TRAPPC9: variants seen among roughly 807,000 people sequenced by gnomAD.
The protein encoded by TRAPPC9 is IKK2 binding protein.
In TRAPPC9, 83 loss-of-function variants were observed where a neutral mutation model predicts 124.0. The observed-to-expected ratio is 0.67, with a 90% CI of 0.56 to 0.80. TRAPPC9 has a LOEUF of 0.80. Ranked by LOEUF, TRAPPC9 falls within the 30% of genes least tolerant of loss-of-function variation. The pLI, the probability that TRAPPC9 is intolerant of heterozygous loss-of-function variation, is 0.00. For synonymous variants in TRAPPC9, 638 were observed against 617.5 expected (o/e 1.03, Z -0.49); for missense variants, 1,302 against 1,508.3 (o/e 0.86, Z 2.27).
At chr8:140,348,599 A>G (rs189400861) in intron 9 of TRAPPC9, among the ~76,000 whole-genome samples, 132 of 152,336 alleles carry the variant, frequency 8.7e-4, no homozygotes, top group Middle Eastern at 6.8e-3. Context: ...CAACCTGAAA[A>G]GCAAGCAAGA....
At chr8:140,452,282 T>A (rs2071491947) in intron 1 of TRAPPC9, among the ~76,000 whole-genome samples, 2 of 151,402 alleles carry the variant, frequency 1.3e-5, no homozygotes, top group Admixed American at 1.3e-4. Context: ...TAGCCCGGCG[T>A]GGTGGCAGGC....
At chr8:140,451,573 A>G (rs1198418699) in intron 1 of TRAPPC9, among the ~76,000 whole-genome samples, 190 bp from the exon 2 acceptor site, 1 of 152,160 alleles carries the variant, frequency 6.6e-6, no homozygotes, top group South Asian at 2.1e-4. Context: ...GTAACTGTTG[A>G]CCTTCAGTCC....
intron 21 of TRAPPC9, among the ~76,000 whole-genome samples, chr8:139,859,918 A>G (rs1828023620): frequency 6.6e-6 from 1 of 152,230 alleles, no homozygotes; most frequent in African/African-American, 2.4e-5. Flanking sequence ...CCCCTTGGGA[A>G]TATGATGAAA....
intron 21 of TRAPPC9, among the ~76,000 whole-genome samples, chr8:139,871,024 G>A (rs942154571): frequency 6.6e-6 from 1 of 152,132 alleles, no homozygotes. Context: ...CATGAAATCA[G>A]CTTTATGATT....
intron 19 of TRAPPC9, among the ~76,000 whole-genome samples, chr8:139,934,275 C>A (rs1237379198): frequency 6.8e-6 from 1 of 147,196 alleles, no homozygotes; most frequent in Non-Finnish European, 1.5e-5. Flanking sequence ...GACTTCAAGT[C>A]CAGTCAGAGA....
At position 139,824,851 on chromosome 8, in the gene TRAPPC9, C is replaced by T. The variant is rs116565026; in HGVS notation, c.3055+61028G>A. On this transcript the variant is annotated intron_variant, in intron 21 of 22. Transcript: ENST00000438773. ...GTGCTAGGATTATAGGTGTGAGCCACTGTGCCTAGCTGACTTTACCTTTGT... is the reference window on the plus strand; with the variant it reads ...GTGCTAGGATTATAGGTGTGAGCCATTGTGCCTAGCTGACTTTACCTTTGT... 3.6e-3 allele frequency among the ~76,000 whole-genome samples: 552 copies of T among 152,362 alleles called. 4 individuals carry two copies. The highest frequency in any genetic ancestry group is 0.012 in the African/African-American group (505 of 41,588).
intron 18 of TRAPPC9, among the ~76,000 whole-genome samples, chr8:140,017,021 C>A (rs571783898): frequency 2.0e-5 from 3 of 152,170 alleles, no homozygotes; most frequent in Non-Finnish European, 4.4e-5. Flanking sequence ...GGTTTTAATT[C>A]GCATTTCTCT....
At chr8:140,181,542 C>T (rs1298003664) in intron 17 of TRAPPC9, among the ~76,000 whole-genome samples, 18 of 152,162 alleles carry the variant, frequency 1.2e-4, no homozygotes, top group Admixed American at 9.8e-4. Context: ...CCACCCACCT[C>T]GGCCTCCCAA....
intron 21 of TRAPPC9, among the ~76,000 whole-genome samples, chr8:139,762,642 A>G (rs920325540): frequency 1.3e-5 from 2 of 152,246 alleles, no homozygotes; most frequent in African/African-American, 4.8e-5. Flanking sequence ...ACCGTCACAC[A>G]TGCGGTCCAC....
At chr8:140,113,517 G>A (rs962261207) in intron 17 of TRAPPC9, among the ~76,000 whole-genome samples, 4 of 152,158 alleles carry the variant, frequency 2.6e-5, no homozygotes, top group Admixed American at 1.3e-4. Context: ...ACCCTTTCCC[G>A]GCTTCAGGGT....
chr8:139,852,363 C>T (rs115220709), intron 21 of TRAPPC9, among the ~76,000 whole-genome samples: 153 of 152,298 alleles, frequency 1.0e-3, no homozygotes, highest in African/African-American at 3.5e-3. Context: ...CACTAGTGTG[C>T]GCCCATGTTA....
chr8:139,928,229 T>C (rs1832922761), intron 19 of TRAPPC9, among the ~76,000 whole-genome samples: 1 of 152,184 alleles, frequency 6.6e-6, no homozygotes, highest in Non-Finnish European at 1.5e-5. Context: ...CAGTGGCTCA[T>C]GCCTATAATC....
intron 21 of TRAPPC9, among the ~76,000 whole-genome samples, chr8:139,838,200 T>C (rs1826483746): frequency 6.6e-6 from 1 of 152,180 alleles, no homozygotes; most frequent in Middle Eastern, 3.2e-3. Flanking sequence ...CTCTTCCTCA[T>C]CCTGCAGGTC....
At chr8:140,153,091 T>C (rs1430857414) in intron 17 of TRAPPC9, among the ~76,000 whole-genome samples, 1 of 152,210 alleles carries the variant, frequency 6.6e-6, no homozygotes. Flanking sequence ...TGCTGATTTG[T>C]ATCATGAAAG....
At position 139,731,025 on chromosome 8, in the gene TRAPPC9, C is replaced by G; in HGVS notation, c.*36G>C. ...TGTGGGAGGCCAGGCAGGGTCACCT[C>G]TGGCCCTGCAGAAAGAGGGACGGAA... On this transcript the variant is annotated 3_prime_UTR_variant, in exon 23 of 23. Coordinates refer to ENST00000438773, the MANE Select transcript of TRAPPC9 (RefSeq NM_001160372.4). 1 of 1,608,234 alleles carries G rather than the reference C, an allele frequency of 6.2e-7. No individual in the cohort carries two copies. The highest frequency in any genetic ancestry group is 1.3e-5 in the African/African-American group (1 of 74,964).
chr8:139,758,492 G>A (rs747151849), intron 21 of TRAPPC9, among the ~76,000 whole-genome samples: 6 of 152,216 alleles, frequency 3.9e-5, no homozygotes, highest in Non-Finnish European at 7.3e-5. Flanking sequence ...GCAGAAATGA[G>A]GCCTGGTGCC....
In TRAPPC9 at chr8:139,742,717, G is replaced by A. The variant is rs1056856299; in HGVS notation, c.3056-10515C>T. Among the ~76,000 whole-genome samples, 2 of 152,210 alleles carry A rather than the reference G, an allele frequency of 1.3e-5. No individual in the cohort carries two copies. The highest frequency in any genetic ancestry group is 4.8e-5 in the African/African-American group (2 of 41,436). On this transcript the variant is annotated intron_variant, in intron 21 of 22. Coordinates refer to ENST00000438773, the MANE Select transcript of TRAPPC9 (RefSeq NM_001160372.4). This position sits in a 1 kb window ranked among gnomAD's most constrained non-coding sequence, Gnocchi z 4.7. ...CCAGCAGGTCAGATGGGCCCAGCAT[G>A]CACGGTTGCTTTCAACTCTGATCTG...
chr8:140,301,258 T>C (rs919775161), intron 10 of TRAPPC9, among the ~76,000 whole-genome samples: 5 of 152,246 alleles, frequency 3.3e-5, no homozygotes, highest in African/African-American at 1.2e-4. Context: ...GCTGTGGATG[T>C]CTGCCAATCT....
At chr8:139,771,834 T>C (rs1042421967) in intron 21 of TRAPPC9, among the ~76,000 whole-genome samples, 1 of 152,222 alleles carries the variant, frequency 6.6e-6, no homozygotes, top group African/African-American at 2.4e-5. Context: ...CCTCGGCCTT[T>C]AGGGTCAGGT....
Sources: allele counts gnomAD v4.1 joint callset (sites outside exome capture counted in the v4.1 genomes callset), GRCh38; gene constraint gnomAD v4.1.1; non-coding constraint Gnocchi (gnomAD v3.1); transcripts MANE v1.5; gene names NCBI Gene and HGNC (gene_info 2026-07-23, HGNC 2026-07-21).